PRRC2A: variants seen among roughly 807,000 people sequenced by gnomAD.
The protein encoded by PRRC2A is proline rich coiled-coil 2A.
In PRRC2A, 59 loss-of-function variants were observed where a neutral mutation model predicts 224.6. That is an observed-to-expected ratio of 0.26 (90% confidence interval 0.21 to 0.33). PRRC2A has a LOEUF of 0.33. PRRC2A is among the 10% of genes least tolerant of loss of function. The pLI is 1.00. For synonymous variants in PRRC2A, 1,194 were observed against 1,109.5 expected (o/e 1.08, Z -1.51); for missense variants, 3,095 against 2,880.7 (o/e 1.07, Z -1.70).
At chr6:31,637,388 C>T (rs529320476) in intron 30 of PRRC2A, 58 bp from the exon 31 acceptor site, 1 of 1,590,992 alleles carries the variant, frequency 6.3e-7, no homozygotes, top group African/African-American at 1.4e-5. Flanking sequence ...TCCTGTCCTT[C>T]CGTCTCATCG....
chr6:31,632,770 C>T lies in PRRC2A; in HGVS notation c.4097C>T (p.Ser1366Leu). Residue 1366 changes from serine to leucine, a missense_variant, in exon 16 of 31, where the codon TCA becomes TTA. Ser to Leu is a moderately radical substitution (Grantham distance 145). Around this residue, in one of 8 missense-constraint regions of PRRC2A, gnomAD observed 2,001 missense variants for 1,764.9 expected, o/e 1.13. Transcript: ENST00000376033. ...GGGGGAVPGI[S>L]AMSRGDLSQR... The stretch of plus-strand genomic sequence containing the variant: ...GGAGGTGGAGCCGTACCAGGTATTT[C>T]AGCCATGTCCCGCGGAGATCTGAGC... 6.2e-7 allele frequency: 1 copy of T among 1,613,100 alleles called. No homozygotes were observed. The highest frequency in any genetic ancestry group is 8.5e-7 in the Non-Finnish European group (1 of 1,180,016).
intron 1 of PRRC2A, among the ~76,000 whole-genome samples, chr6:31,621,688 C>T (rs181918662): frequency 6.6e-6 from 1 of 152,282 alleles, no homozygotes; most frequent in East Asian, 1.9e-4. Context: ...TCTTTCTCCC[C>T]AATTTTAGCT....
At chr6:31,633,227 C>T (rs773650584) in intron 16 of PRRC2A, 152 bp from the exon 17 acceptor site, 16 of 1,194,138 alleles carry the variant, frequency 1.3e-5, no homozygotes, top group African/African-American at 4.6e-5. Flanking sequence ...CCAGTCTGTG[C>T]ATCTGTATGC....
chr6:31,623,178 C>T (rs2150491672), intron 2 of PRRC2A: 1 of 705,924 alleles, frequency 1.4e-6, no homozygotes, highest in Non-Finnish European at 2.6e-6. Context: ...CAGCTTGCTT[C>T]TTGCAGGCTC....
rs1183750506 is a variant in PRRC2A at position 31,626,027 on chromosome 6, C to A, written c.847C>A (p.Pro283Thr). 1.2e-6 allele frequency: 2 copies of A among 1,611,886 alleles called. No homozygotes were observed. The highest frequency in any genetic ancestry group is 1.1e-5 in the South Asian group (1 of 90,884). ...YPTPDGPSRF[P>T]RVAGPRGSGP... ...TTTCTTTTTTGTGTACAGCCGTTTT[C>A]CCCGTGTGGCGGGCCCCCGAGGCTC... The change falls in exon 9 of 31, where the codon CCC (proline) becomes ACC (threonine). Residue 283 changes from proline (P) to threonine (T), a missense_variant. Around this residue, in one of 8 missense-constraint regions of PRRC2A, gnomAD observed 287 missense variants for 275.3 expected, o/e 1.04. Transcript: ENST00000376033.
chr6:31,636,429 G>C lies in PRRC2A; in HGVS notation c.5835+10G>C, dbSNP rs776851025. ...CACATCGTTGCTTCAGGTAAGAGGG[G>C]GGCAGGTATTAGATATTGGGGGATA... On this transcript the variant is annotated intron_variant, in intron 26 of 30. Coordinates refer to ENST00000376033, the MANE Select transcript of PRRC2A (RefSeq NM_004638.4). The surrounding 1 kb of genome is among the most constrained non-coding windows in gnomAD (Gnocchi z 4.3). 1.6e-5 allele frequency: 26 copies of C among 1,612,638 alleles called. No individual in the cohort carries two copies. The African/African-American group carries it at 1.9e-4, about 12-fold the overall frequency.
At position 31,636,355 on chromosome 6, in the gene PRRC2A, C is replaced by T. The variant is rs1236048382; in HGVS notation, c.5771C>T (p.Pro1924Leu). ...KLPAGGVLYPPPSFLYSPAFC... is the reference protein window; with the variant it reads ...KLPAGGVLYPLPSFLYSPAFC... ...CCGGCTGGAGGAGTTCTCTACCCTCCACCTTCCTTCCTCTACTCTCCGGCT... is the reference window on the plus strand; with the variant it reads ...CCGGCTGGAGGAGTTCTCTACCCTCTACCTTCCTTCCTCTACTCTCCGGCT... Residue 1924 changes from proline (P) to leucine (L), a missense_variant, in exon 26 of 31, where the codon CCA becomes CTA. Coordinates refer to ENST00000376033, the MANE Select transcript of PRRC2A (RefSeq NM_004638.4). This position sits in a 1 kb window ranked among gnomAD's most constrained non-coding sequence, Gnocchi z 4.3. 1 of 1,613,028 alleles carries T rather than the reference C, an allele frequency of 6.2e-7. No homozygotes were observed. The highest frequency in any genetic ancestry group is 8.5e-7 in the Non-Finnish European group (1 of 1,180,014).
intron 2 of PRRC2A, 78 bp from the exon 3 acceptor site, chr6:31,623,654 T>C: frequency 6.8e-7 from 1 of 1,477,880 alleles, no homozygotes; most frequent in Non-Finnish European, 9.3e-7. Flanking sequence ...TCAACATGTA[T>C]AAATGTGTCC....
chr6:31,631,691 C>T lies in PRRC2A; in HGVS notation c.3018C>T (p.Ala1006=). 6.6e-7 allele frequency: 1 copy of T among 1,514,762 alleles called. No individual in the cohort carries two copies. The highest frequency in any genetic ancestry group is 8.8e-7 in the Non-Finnish European group (1 of 1,133,254). 93.8% of individuals were successfully genotyped at this position (1,514,762 alleles called of 1,614,324 possible). A position where few individuals can be genotyped will look rare whatever the true frequency, so the allele number is the denominator to read the frequency against. Residue 1006 remains alanine (A), a synonymous_variant, in exon 16 of 31, where the codon GCC becomes GCT. Transcript: ENST00000376033. This position sits in a 1 kb window ranked among gnomAD's most constrained non-coding sequence, Gnocchi z 4.5. ...CACCCAATGGAAATCTTTCCCCTGC[C>T]CCAAGGCTTCGGAGGGACTATTCGT... is the stretch of plus-strand genomic sequence containing the variant. ...ETPPNGNLSP[A]PRLRRDYSYE...
rs755092742 is a variant in PRRC2A at position 31,631,319 on chromosome 6, G to T, written c.2646G>T (p.Lys882Asn). 6.2e-7 allele frequency: 1 copy of T among 1,606,882 alleles called. No individual in the cohort carries two copies. Among genetic ancestry groups the T allele is most frequent in the South Asian group, 1.1e-5 (1 of 90,384 alleles). ...CCAAGATACAAACTCCACCACCCAA[G>T]AAGGAGCCCCCTAAGGAGGAGACTG... is the stretch of plus-strand genomic sequence containing the variant. ...EVAKIQTPPPKKEPPKEETAQ... is the reference protein window; with the variant it reads ...EVAKIQTPPPNKEPPKEETAQ... Residue 882 changes from lysine (K) to asparagine (N), a missense_variant, in exon 16 of 31, where the codon AAG (lysine) becomes AAT (asparagine). Lys to Asn is a moderately conservative substitution (Grantham distance 94, BLOSUM62 0). Transcript: ENST00000376033. This position sits in a 1 kb window ranked among gnomAD's most constrained non-coding sequence, Gnocchi z 4.5.
In PRRC2A at chr6:31,626,035, G is replaced by C; in HGVS notation, c.855G>C (p.Val285=). Residue 285 remains valine, a synonymous_variant, in exon 9 of 31, where the codon GTG becomes GTC. Coordinates refer to ENST00000376033, the MANE Select transcript of PRRC2A (RefSeq NM_004638.4). ...TPDGPSRFPR[V]AGPRGSGPPM... The stretch of plus-strand genomic sequence containing the variant: ...TTGTGTACAGCCGTTTTCCCCGTGT[G>C]GCGGGCCCCCGAGGCTCAGGGCCAC... 6.2e-7 allele frequency: 1 copy of C among 1,611,848 alleles called. No homozygotes were observed.
At chr6:31,633,314 A>C in intron 16 of PRRC2A, 65 bp from the exon 17 acceptor site, 1 of 1,561,334 alleles carries the variant, frequency 6.4e-7, no homozygotes, top group Non-Finnish European at 8.7e-7. Flanking sequence ...GAAGTTGGGA[A>C]ACATAACTTG....
rs1163016187 is a variant in PRRC2A, at chr6:31,625,537, C to G, written c.685C>G (p.His229Asp). ...CCCGGACTCCAAACTTCATCATGGTCATGATCCCCGGGGTGGGCTACAGCC... is the reference window on the plus strand; with the variant it reads ...CCCGGACTCCAAACTTCATCATGGTGATGATCCCCGGGGTGGGCTACAGCC... ...EGPDSKLHHG[H>D]DPRGGLQPSG... Residue 229 changes from histidine to aspartate, a missense_variant, in exon 7 of 31, where the codon CAT becomes GAT. Coordinates refer to ENST00000376033, the MANE Select transcript of PRRC2A (RefSeq NM_004638.4). The surrounding 1 kb of genome is among the most constrained non-coding windows in gnomAD (Gnocchi z 4.1). The G allele has an allele frequency of 1.3e-5, 20 of 1,578,010 alleles. No individual in the cohort carries two copies. Among genetic ancestry groups the G allele is most frequent in the Non-Finnish European group, 1.6e-5 (19 of 1,158,718 alleles).
At position 31,625,145 on chromosome 6, in the gene PRRC2A, C is replaced by T. The variant is rs761799462; in HGVS notation, c.464-26C>T. ...TGTCCTCAGGAAATGTCTTCTGTCT[C>T]CTGTTCTGCATCCCCATCCTAATAG... On this transcript the variant is annotated intron_variant, in intron 5 of 30. Transcript: ENST00000376033. The surrounding 1 kb of genome is among the most constrained non-coding windows in gnomAD (Gnocchi z 4.1). The T allele has an allele frequency of 7.5e-6, 12 of 1,603,742 alleles. No individual in the cohort carries two copies. In the South Asian group the frequency reaches 1.2e-4, roughly 16 times the overall value.
chr6:31,622,544 G>C (rs2150489638), intron 1 of PRRC2A, 146 bp from the exon 2 acceptor site: 2 of 454,152 alleles, frequency 4.4e-6, no homozygotes, highest in South Asian at 4.4e-5. Flanking sequence ...TGGCATTTGA[G>C]CTATGAGGGA....
Position 31,629,833 on chromosome 6 carries a change from G to A in PRRC2A, c.2242G>A (p.Val748Met), listed in dbSNP as rs1229178461. The A allele has an allele frequency of 2.5e-6, 4 of 1,613,882 alleles. No individual in the cohort carries two copies. In the African/African-American group the frequency reaches 4.0e-5, roughly 16 times the overall value. ...CCCTCTAGACTTCTACCCTCCTGGT[G>A]TGCATCCCTCTGGTAAGGGGGCATG... ...RPPLDFYPPG[V>M]HPSGLVPRER... is the part of the protein sequence containing the mutation. Residue 748 changes from valine to methionine, a missense_variant, in exon 14 of 31, where the codon GTG (valine) becomes ATG (methionine). Val to Met is a conservative substitution (Grantham distance 21). Around this residue, in one of 8 missense-constraint regions of PRRC2A, gnomAD observed 2,001 missense variants for 1,764.9 expected, o/e 1.13. Transcript: ENST00000376033.
At position 31,631,933 on chromosome 6, in the gene PRRC2A, C is replaced by T. The variant is rs771808977; in HGVS notation, c.3260C>T (p.Thr1087Ile). The change falls in exon 16 of 31, where the codon ACA becomes ATA. Residue 1087 changes from threonine to isoleucine, a missense_variant. By Grantham distance (89) the Thr-to-Ile change is moderately conservative. Around this residue, in one of 8 missense-constraint regions of PRRC2A, gnomAD observed 2,001 missense variants for 1,764.9 expected, o/e 1.13. Coordinates refer to ENST00000376033, the MANE Select transcript of PRRC2A (RefSeq NM_004638.4). This position sits in a 1 kb window ranked among gnomAD's most constrained non-coding sequence, Gnocchi z 4.5. Reference sequence around the variant, plus strand: ...CCCCGAGGCCGCACTGCCAGCGAGACACGGAGCGAGGGTTCAGAGTATGAG... The same window carrying T: ...CCCCGAGGCCGCACTGCCAGCGAGATACGGAGCGAGGGTTCAGAGTATGAG... ...PAPRGRTASETRSEGSEYEEI... is the reference protein window; with the variant it reads ...PAPRGRTASEIRSEGSEYEEI... 1 of 1,612,956 alleles carries T rather than the reference C, an allele frequency of 6.2e-7. No homozygotes were observed. The highest frequency in any genetic ancestry group is 8.5e-7 in the Non-Finnish European group (1 of 1,179,986).
rs529003217 is a variant in PRRC2A, at chr6:31,632,782, G to A, written c.4109G>A (p.Arg1370His). 5.2e-5 allele frequency: 84 copies of A among 1,613,098 alleles called. No individual in the cohort carries two copies. The highest frequency in any genetic ancestry group is 6.1e-5 in the Non-Finnish European group (72 of 1,180,016). ...GAVPGISAMS[R>H]GDLSQRAKDL... ...GTACCAGGTATTTCAGCCATGTCCC[G>A]CGGAGATCTGAGCCAGAGAGCCAAG... is the stretch of plus-strand genomic sequence containing the variant. The change falls in exon 16 of 31, where the codon CGC becomes CAC. Residue 1370 changes from arginine (R) to histidine (H), a missense_variant. Around this residue, in one of 8 missense-constraint regions of PRRC2A, gnomAD observed 2,001 missense variants for 1,764.9 expected, o/e 1.13. Coordinates refer to ENST00000376033, the MANE Select transcript of PRRC2A (RefSeq NM_004638.4).
chr6:31,624,130 T>C, intron 3 of PRRC2A, 131 bp from the exon 4 acceptor site: 1 of 1,138,414 alleles, frequency 8.8e-7, no homozygotes. Context: ...CTACAAAGGA[T>C]GACAAAATTA....
Sources: allele counts gnomAD v4.1 joint callset (sites outside exome capture counted in the v4.1 genomes callset), GRCh38; gene constraint gnomAD v4.1.1; regional missense constraint gnomAD v4.1.1; non-coding constraint Gnocchi (gnomAD v3.1); transcripts MANE v1.5; gene names NCBI Gene and HGNC (gene_info 2026-07-23, HGNC 2026-07-21).